UBE2H: variants seen among roughly 807,000 people sequenced by gnomAD.
UBE2H encodes the protein ubiquitin-conjugating enzyme E2 H.
In UBE2H, 3 loss-of-function variants were observed where a neutral mutation model predicts 29.0. That is an observed-to-expected ratio of 0.10 (90% CI 0.05 to 0.27). The LOEUF (loss-of-function observed/expected upper bound fraction) is 0.27, where lower values mean the gene tolerates loss of function less well. Ranked by LOEUF, UBE2H falls within the 10% of genes least tolerant of loss-of-function variation. UBE2H has a pLI of 1.00. For synonymous variants in UBE2H, 69 were observed against 82.9 expected (o/e 0.83, Z 0.91); for missense variants, 68 against 228.2 (o/e 0.30, Z 4.52).
At chr7:129,925,358 G>T (rs1807245178) in intron 1 of UBE2H, among the ~76,000 whole-genome samples, 1 of 151,254 alleles carries the variant, frequency 6.6e-6, no homozygotes, top group Non-Finnish European at 1.5e-5. Context: ...AAAAAAAAAA[G>T]ATATTCATAA....
Position 129,926,794 on chromosome 7 carries a change from G to A in UBE2H, c.53+25709C>T, listed in dbSNP as rs1807279201. Among the ~76,000 whole-genome samples the A allele has an allele frequency of 2.0e-5, 3 of 152,214 alleles. No individual in the cohort carries two copies. In the South Asian group the frequency reaches 6.2e-4, roughly 32 times the overall value. On this transcript the variant is annotated intron_variant, in intron 1 of 6. Transcript: ENST00000355621. ...ACACCTCCAGAAAAGTATCAGGTAT[G>A]GCCCTACTGGTTGCAGAGTGTCAGA... is the stretch of plus-strand genomic sequence containing the variant.
intron 5 of UBE2H, among the ~76,000 whole-genome samples, chr7:129,854,477 C>G (rs1805670477): frequency 6.6e-6 from 1 of 152,180 alleles, no homozygotes; most frequent in African/African-American, 2.4e-5. Flanking sequence ...TGCTCACACT[C>G]CTGTATTATG....
At position 129,952,859 on chromosome 7, in the gene UBE2H, T is replaced by C. The variant is rs867891009; in HGVS notation, c.-304A>G. On this transcript the variant is annotated 5_prime_UTR_variant, in exon 1 of 7. Transcript: ENST00000355621. ...GACGCTCCCTCCTGCCTGCTGTGGC[T>C]CGCTCGCCTGCTCCCCACTCACCCT... The C allele has an allele frequency of 8.6e-5, 20 of 231,408 alleles. No homozygotes were observed. The highest frequency in any genetic ancestry group is 1.3e-3 in the Middle Eastern group (1 of 774). The allele number at this position is 231,408 out of a possible 1,614,324, so 14.3% of individuals were successfully genotyped here.
intron 1 of UBE2H, among the ~76,000 whole-genome samples, chr7:129,932,457 A>C (rs1807426922): frequency 6.6e-6 from 1 of 152,124 alleles, no homozygotes; most frequent in Non-Finnish European, 1.5e-5. Flanking sequence ...TTAACCAGGC[A>C]TAATTTTTCT....
In UBE2H at chr7:129,946,672, A is replaced by T. The variant is rs114981430; in HGVS notation, c.53+5831T>A. 9.3e-3 allele frequency among the ~76,000 whole-genome samples: 1,422 copies of T among 152,206 alleles called. 29 individuals carry two copies. The highest frequency in any genetic ancestry group is 0.033 in the African/African-American group (1,360 of 41,524). On this transcript the variant is annotated intron_variant, in intron 1 of 6. Transcript: ENST00000355621. ...TTTGTTTTTTGTTTTTTGAGATGGA[A>T]TCTTGCTCTGTCCCCCGGGCTGGAG...
At chr7:129,946,219 AT>A (rs745714036) in intron 1 of UBE2H, among the ~76,000 whole-genome samples, 203 of 137,510 alleles carry the variant, frequency 1.5e-3, no homozygotes, top group Admixed American at 1.7e-3. Context: ...CGCCCGGCTA[AT>A]TTTTTTTTTT....
chr7:129,919,863 T>C (rs1010882875), intron 1 of UBE2H, among the ~76,000 whole-genome samples: 2 of 152,194 alleles, frequency 1.3e-5, no homozygotes, highest in Non-Finnish European at 2.9e-5. Context: ...TGGGATACCA[T>C]TTCACATCCA....
chr7:129,887,218 CTTTTTTTT>C (rs58727788), intron 1 of UBE2H, among the ~76,000 whole-genome samples: 1 of 103,974 alleles, frequency 9.6e-6, no homozygotes, highest in Non-Finnish European at 2.0e-5. Context: ...CTCTCTTGAA[CTTTTTTTT>C]TTTTTTTTTT....
At chr7:129,884,107 T>C (rs905579453) in intron 1 of UBE2H, among the ~76,000 whole-genome samples, 1 of 147,632 alleles carries the variant, frequency 6.8e-6, no homozygotes, top group Non-Finnish European at 1.5e-5. Flanking sequence ...AAAAACTAAA[T>C]AAAAAAATAA....
At chr7:129,849,874 A>C (rs1805577882) in intron 5 of UBE2H, among the ~76,000 whole-genome samples, 1 of 152,254 alleles carries the variant, frequency 6.6e-6, no homozygotes, top group African/African-American at 2.4e-5. Context: ...TGGAGAAAAT[A>C]TATAAAAAGT....
chr7:129,924,813 C>T lies in UBE2H; in HGVS notation c.53+27690G>A, dbSNP rs887067765. On this transcript the variant is annotated intron_variant, in intron 1 of 6. Coordinates refer to ENST00000355621, the MANE Select transcript of UBE2H (RefSeq NM_003344.4). ...TCTCTGAGCCGCACAGAGCCAAGGA[C>T]GAAAGCCCTGGACGGTCCTCCAGGC... is the stretch of plus-strand genomic sequence containing the variant. 7.2e-5 allele frequency among the ~76,000 whole-genome samples: 11 copies of T among 152,098 alleles called. No homozygotes were observed. In the South Asian group the frequency reaches 1.2e-3, roughly 17 times the overall value.
chr7:129,839,199 C>A lies in UBE2H; in HGVS notation c.427+8G>T. 1 of 1,611,578 alleles carries A rather than the reference C, an allele frequency of 6.2e-7. No individual in the cohort carries two copies. Among genetic ancestry groups the A allele is most frequent in the Non-Finnish European group, 8.5e-7 (1 of 1,179,302 alleles). On this transcript the variant is annotated splice_region_variant and intron_variant, in intron 6 of 6. Transcript: ENST00000355621. ...TTTGTCTCCAGGTTAAACTACCCAT[C>A]CTCTTACCTTTAATTTTCTGCTTGT... is the stretch of plus-strand genomic sequence containing the variant.
intron 4 of UBE2H, among the ~76,000 whole-genome samples, chr7:129,858,446 T>C (rs972890687): frequency 6.6e-6 from 1 of 152,200 alleles, no homozygotes; most frequent in Non-Finnish European, 1.5e-5. Flanking sequence ...TGGAATATTT[T>C]AAAGTATCAT....
intron 3 of UBE2H, among the ~76,000 whole-genome samples, chr7:129,866,897 G>C (rs1805915280): frequency 6.6e-6 from 1 of 152,176 alleles, no homozygotes; most frequent in African/African-American, 2.4e-5. Flanking sequence ...AAGATTAAAT[G>C]AGTTAATATA....
At chr7:129,886,481 G>C (rs1806361670) in intron 1 of UBE2H, among the ~76,000 whole-genome samples, 1 of 152,142 alleles carries the variant, frequency 6.6e-6, no homozygotes, top group African/African-American at 2.4e-5. Flanking sequence ...GGCAATGTCT[G>C]GGCCTTAAGG....
intron 3 of UBE2H, among the ~76,000 whole-genome samples, chr7:129,867,533 A>G (rs1486425383): frequency 1.6e-5 from 1 of 62,098 alleles, no homozygotes; most frequent in Non-Finnish European, 2.9e-5. Flanking sequence ...GGAATATCAC[A>G]CTCTGGGGAC....
At chr7:129,902,148 T>G (rs1054317510) in intron 1 of UBE2H, among the ~76,000 whole-genome samples, 3 of 152,180 alleles carry the variant, frequency 2.0e-5, no homozygotes, top group Non-Finnish European at 4.4e-5. Context: ...TAAAAAAATG[T>G]AACTTTAGAT....
intron 1 of UBE2H, among the ~76,000 whole-genome samples, chr7:129,901,528 T>C (rs1402016807): frequency 6.6e-6 from 1 of 152,160 alleles, no homozygotes; most frequent in African/African-American, 2.4e-5. Flanking sequence ...CAACGAGATT[T>C]TGAAGAACTG....
chr7:129,946,998 T>A (rs1311423558), intron 1 of UBE2H, among the ~76,000 whole-genome samples: 1 of 152,050 alleles, frequency 6.6e-6, no homozygotes, highest in Non-Finnish European at 1.5e-5. Context: ...TGTTTAAATA[T>A]ATCTATAAAA....
Sources: gnomAD v4.1 joint callset for allele counts (sites outside exome capture counted in the v4.1 genomes callset) on GRCh38, gnomAD v4.1.1 for gene constraint, MANE v1.5 for transcripts, NCBI Gene and HGNC (gene_info 2026-07-23, HGNC 2026-07-21) for gene names.